The following TRIM36 variants were observed in gnomAD, a reference collection of about 807,000 sequenced individuals.
TRIM36 encodes tripartite motif containing 36.
A neutral mutation model predicts 72.4 loss-of-function variants in TRIM36; 42 were observed. The ratio of observed to expected loss-of-function variants is 0.58; its 90% CI spans 0.45 to 0.75. The LOEUF is 0.75. Among genes scored for constraint, TRIM36 ranks in the 30% least tolerant of loss-of-function variants. The pLI is 0.00. For synonymous variants in TRIM36, 315 were observed against 282.8 expected (o/e 1.11, Z -1.14); for missense variants, 913 against 857.1 (o/e 1.07, Z -0.81).
At chr5:115,171,078 A>G (rs748499649), upstream of TRIM36, 4 of 1,614,166 alleles carry the variant, frequency 2.5e-6, no homozygotes, top group Admixed American at 1.7e-5. Context: ...AGTAGGGACT[A>G]CAGAGCTGTA....
chr5:115,133,146 G>C (rs1431387959), intron 8 of TRIM36, among the ~76,000 whole-genome samples: 2 of 152,156 alleles, frequency 1.3e-5, no homozygotes, highest in African/African-American at 4.8e-5. Context: ...GTGACTGAAA[G>C]GGGAAAACGT....
In TRIM36 at chr5:115,126,661, C is replaced by T. The variant is rs200319112; in HGVS notation, c.1993G>A (p.Val665Ile). The change falls in exon 10 of 10, where the codon GTA (valine) becomes ATA (isoleucine). Residue 665 changes from valine to isoleucine, a missense_variant. Transcript: ENST00000513154. ...ATCTGATCCATATCATAGAAATCTA[C>T]TTTGCCTTTATCACAGTCAAGGAAA... ...GIFLDCDKGK[V>I]DFYDMDQMKC... The T allele has an allele frequency of 1.2e-6, 2 of 1,614,184 alleles. No individual in the cohort carries two copies. The highest frequency in any genetic ancestry group is 8.5e-7 in the Non-Finnish European group (1 of 1,180,024).
At chr5:115,130,380 G>T (rs897455322) in intron 9 of TRIM36, among the ~76,000 whole-genome samples, 2 of 152,048 alleles carry the variant, frequency 1.3e-5, no homozygotes, top group South Asian at 2.1e-4. Flanking sequence ...TATCCAAAAT[G>T]GATTTCCTCA....
At chr5:115,155,805 T>C (rs1260354703) in intron 2 of TRIM36, among the ~76,000 whole-genome samples, 5 of 152,088 alleles carry the variant, frequency 3.3e-5, no homozygotes, top group African/African-American at 9.7e-5. Context: ...GTACTGGAAG[T>C]CCTAGCCAGA....
chr5:115,141,105 CATT>C (rs1753253653), intron 5 of TRIM36, among the ~76,000 whole-genome samples, 171 bp downstream of exon 5: 1 of 152,168 alleles, frequency 6.6e-6, no homozygotes, highest in Admixed American at 6.5e-5. Flanking sequence ...GACCACACAA[CATT>C]ATAATTCATT....
chr5:115,130,259 G>T (rs1241592195), intron 9 of TRIM36, among the ~76,000 whole-genome samples: 2 of 152,228 alleles, frequency 1.3e-5, no homozygotes, highest in East Asian at 3.8e-4. Context: ...TAACTGTGAA[G>T]TATGACAATC....
chr5:115,144,167 G>A (rs1223160526), intron 4 of TRIM36, among the ~76,000 whole-genome samples: 5 of 152,086 alleles, frequency 3.3e-5, no homozygotes, highest in Admixed American at 1.3e-4. Context: ...AGCCACGGAA[G>A]TAATTCAGTT....
chr5:115,177,496 C>T (rs900005833), intron 1 of TRIM36: 46 of 1,264,820 alleles, frequency 3.6e-5, no homozygotes, highest in Middle Eastern at 3.1e-4. Context: ...AAAGTGGAAC[C>T]GAACCCCACA....
chr5:115,160,391 A>C (rs183571920), intron 2 of TRIM36, among the ~76,000 whole-genome samples: 109 of 152,350 alleles, frequency 7.2e-4, no homozygotes, highest in Non-Finnish European at 1.0e-3. Flanking sequence ...AACAATTATT[A>C]AAGATCATTT....
intron 2 of TRIM36, among the ~76,000 whole-genome samples, chr5:115,159,884 T>C (rs868586468): frequency 2.6e-5 from 4 of 152,186 alleles, no homozygotes; most frequent in African/African-American, 7.2e-5. Context: ...ATTGTGGGTA[T>C]AGCACTTAAG....
intron 5 of TRIM36, among the ~76,000 whole-genome samples, chr5:115,139,199 C>T (rs1390151396): frequency 6.6e-6 from 1 of 151,114 alleles, no homozygotes; most frequent in Non-Finnish European, 1.5e-5. Flanking sequence ...TGGCTCACTG[C>T]AACCTCTGCC....
chr5:115,146,696 T>G (rs1394425852), intron 3 of TRIM36, among the ~76,000 whole-genome samples: 1 of 152,238 alleles, frequency 6.6e-6, no homozygotes, highest in Non-Finnish European at 1.5e-5. Context: ...CAGTCAAACC[T>G]TTTAAGCAAT....
intron 1 of TRIM36, chr5:115,179,841 T>C: frequency 1.3e-6 from 1 of 798,976 alleles, no homozygotes; most frequent in South Asian, 1.7e-5. Flanking sequence ...ACGCCCGGGC[T>C]GCGAGCGCGG....
intron 5 of TRIM36, among the ~76,000 whole-genome samples, chr5:115,140,867 A>G (rs1753240902): frequency 6.6e-6 from 1 of 152,226 alleles, no homozygotes; most frequent in African/African-American, 2.4e-5. Flanking sequence ...TATAGGGTAT[A>G]CACTCAGGAA....
At chr5:115,170,940 T>G (rs115813215), upstream of TRIM36, among the ~76,000 whole-genome samples, 307 of 152,358 alleles carry the variant, frequency 2.0e-3, 1 homozygote, top group African/African-American at 7.2e-3. Flanking sequence ...GTTTCTGGTG[T>G]TGTTTTCAGG....
intron 1 of TRIM36, among the ~76,000 whole-genome samples, chr5:115,165,504 C>T (rs1385512842): frequency 1.3e-5 from 2 of 152,206 alleles, no homozygotes; most frequent in Non-Finnish European, 2.9e-5. Context: ...AGGCAATGGT[C>T]TGAACTGTAC....
chr5:115,169,922 G>A (rs1755015229), upstream of TRIM36: 3 of 1,279,724 alleles, frequency 2.3e-6, no homozygotes, highest in Non-Finnish European at 2.0e-6. Context: ...TGGGAACGGC[G>A]CCGCGCAGAG....
At chr5:115,167,893 T>C (rs998314616) in intron 1 of TRIM36, among the ~76,000 whole-genome samples, 120 of 152,342 alleles carry the variant, frequency 7.9e-4, no homozygotes, top group African/African-American at 2.7e-3. Context: ...AAAAGAGATT[T>C]AATTGACTCA....
intron 8 of TRIM36, among the ~76,000 whole-genome samples, chr5:115,132,061 C>G (rs1395801496): frequency 6.6e-6 from 1 of 151,706 alleles, no homozygotes; most frequent in Non-Finnish European, 1.5e-5. Context: ...AAAAAATGAC[C>G]CCCAGGCATC....
Sources: allele counts gnomAD v4.1 joint callset (sites outside exome capture counted in the v4.1 genomes callset), GRCh38; gene constraint gnomAD v4.1.1; transcripts MANE v1.5; gene names NCBI Gene and HGNC (gene_info 2026-07-23, HGNC 2026-07-21).